Variants in FXYD6 observed in about 807,000 individuals in gnomAD.
FXYD6 encodes FXYD domain-containing ion transport regulator 6.
A neutral mutation model predicts 16.7 loss-of-function variants in FXYD6; 7 were observed. The ratio of observed to expected loss-of-function variants is 0.42; its 90% CI spans 0.24 to 0.79. FXYD6 has a LOEUF of 0.79. Among genes scored for constraint, FXYD6 ranks in the 30% least tolerant of loss-of-function variants. The pLI is 0.28. For synonymous variants in FXYD6, 49 were observed against 43.0 expected, an observed-to-expected ratio of 1.14 and a Z score of -0.54; for missense variants, 111 against 116.2, an observed-to-expected ratio of 0.95 and a Z score of 0.21.
intron 1 of FXYD6, among the ~76,000 whole-genome samples, chr11:117,858,659 CTTTCTTT>C (rs1565323327): frequency 1.3e-5 from 1 of 79,136 alleles, no homozygotes; most frequent in Non-Finnish European, 2.3e-5. Flanking sequence ...TTCTTTCTTT[CTTTCTTT>C]CTTTCTTTCT....
intron 1 of FXYD6, among the ~76,000 whole-genome samples, chr11:117,858,038 A>G (rs1012846476): frequency 2.6e-5 from 4 of 152,198 alleles, no homozygotes; most frequent in African/African-American, 9.7e-5. Context: ...TAATGCTTTC[A>G]GACAAAAGAT....
intron 1 of FXYD6, among the ~76,000 whole-genome samples, chr11:117,854,751 C>G (rs1418383500): frequency 6.6e-6 from 1 of 152,106 alleles, no homozygotes; most frequent in Admixed American, 6.5e-5. Flanking sequence ...ACCTTAAGAG[C>G]AGGGTAGGAT....
chr11:117,844,175 G>A (rs1242751624), intron 1 of FXYD6: 1 of 152,472 alleles, frequency 6.6e-6, no homozygotes, highest in Admixed American at 6.5e-5. Flanking sequence ...GGGTCAGAAC[G>A]ACTGCATCCA....
At position 117,870,560 on chromosome 11, in the gene FXYD6, T is replaced by C. The variant is rs1565332251; in HGVS notation, c.-6+6032A>G. ...CCTTTGCTCTCTCTGCCTACCTCTT[T>C]AGAAGGACAGCTCTGGCCTGCATGT... is the stretch of plus-strand genomic sequence containing the variant. On this transcript the variant is annotated intron_variant, in intron 1 of 7. Transcript: ENST00000526014. This position sits in a 1 kb window ranked among gnomAD's most constrained non-coding sequence, Gnocchi z 4.2. Among the ~76,000 whole-genome samples, 1 of 152,220 alleles carries C rather than the reference T, an allele frequency of 6.6e-6. No individual in the cohort carries two copies. The highest frequency in any genetic ancestry group is 1.5e-5 in the Non-Finnish European group (1 of 68,030).
At chr11:117,858,631 T>TTTTCTTTCTTTCTTTC (rs758256700) in intron 1 of FXYD6, among the ~76,000 whole-genome samples, 3 of 106,718 alleles carry the variant, frequency 2.8e-5, no homozygotes, top group South Asian at 2.9e-4. Flanking sequence ...TCATTTTCTT[T>TTTTCTTTCTTTCTTTC]TTTCTTTCTT....
chr11:117,854,320 T>TGGCCCCCA (rs2056675415), intron 1 of FXYD6, among the ~76,000 whole-genome samples: 1 of 152,194 alleles, frequency 6.6e-6, no homozygotes, highest in Non-Finnish European at 1.5e-5. Flanking sequence ...AGTGCAGTGT[T>TGGCCCCCA]GGCAATAGGG....
intron 1 of FXYD6, among the ~76,000 whole-genome samples, chr11:117,862,124 G>A (rs1472053007): frequency 6.6e-6 from 1 of 152,238 alleles, no homozygotes; most frequent in African/African-American, 2.4e-5. Context: ...GGCAGGCAAA[G>A]GAAAGAGAAA....
rs185825913 is a variant in FXYD6 at position 117,843,214 on chromosome 11, C to T, written c.-5-433G>A. On this transcript the variant is annotated intron_variant, in intron 1 of 7. Transcript: ENST00000526014. The stretch of plus-strand genomic sequence containing the variant: ...CCTCCCAAAGGGCTGGGATTATAGG[C>T]GTGAGCCACCACCAGTTGACATTTC... Among the ~76,000 whole-genome samples, 313 of 152,316 alleles carry T rather than the reference C, an allele frequency of 2.1e-3. 1 individual carries two copies. The highest frequency in any genetic ancestry group is 6.0e-3 in the African/African-American group (249 of 41,560).
chr11:117,841,429 T>C, intron 4 of FXYD6: 1 of 596,014 alleles, frequency 1.7e-6, no homozygotes, highest in Non-Finnish European at 3.0e-6. Flanking sequence ...GAGGGATCTG[T>C]GCAGATCAGG....
intron 1 of FXYD6, among the ~76,000 whole-genome samples, chr11:117,865,505 T>C (rs949192377): frequency 6.6e-6 from 1 of 152,216 alleles, no homozygotes. Context: ...AAATGTGGTA[T>C]ATACACATAA....
intron 6 of FXYD6, 150 bp downstream of exon 6, chr11:117,840,169 C>A (rs2056305281): frequency 3.2e-6 from 3 of 940,188 alleles, no homozygotes; most frequent in Middle Eastern, 2.4e-4. Context: ...AGTGAGGGGG[C>A]AATGCTGCAG....
At chr11:117,867,308 G>A (rs912874950) in intron 1 of FXYD6, among the ~76,000 whole-genome samples, 2 of 152,130 alleles carry the variant, frequency 1.3e-5, no homozygotes, top group Non-Finnish European at 1.5e-5. Flanking sequence ...CGGAGGTTAC[G>A]GCCTCACCAA....
chr11:117,839,713 A>AC (rs2056291862), intron 7 of FXYD6, 68 bp downstream of exon 7: 3 of 1,595,148 alleles, frequency 1.9e-6, no homozygotes, highest in East Asian at 4.5e-5. Context: ...TCCCGCCTGA[A>AC]CCCCTGTCCA....
At chr11:117,855,239 C>T (rs944507221) in intron 1 of FXYD6, among the ~76,000 whole-genome samples, 1 of 152,250 alleles carries the variant, frequency 6.6e-6, no homozygotes, top group African/African-American at 2.4e-5. Flanking sequence ...AAAAGAAATA[C>T]TGTCACAAAT....
intron 1 of FXYD6, among the ~76,000 whole-genome samples, chr11:117,849,930 A>G (rs61903804): frequency 0.14 from 21,611 of 152,134 alleles, 1,630 homozygotes; most frequent in Middle Eastern, 0.23. Flanking sequence ...TCAACTGGGC[A>G]TGTGCAAGTG....
At chr11:117,839,754 G>T (rs1265323074) in intron 7 of FXYD6, 27 bp downstream of exon 7, 2 of 1,614,020 alleles carry the variant, frequency 1.2e-6, no homozygotes, top group Admixed American at 1.7e-5. Context: ...TGGCAACAGG[G>T]GCCAATCCAG....
intron 1 of FXYD6, chr11:117,869,117 A>G (rs2057075050): frequency 6.6e-6 from 1 of 152,244 alleles, no homozygotes; most frequent in African/African-American, 2.4e-5. Flanking sequence ...AATTATTGTT[A>G]AATCACCTAA....
chr11:117,842,160 C>T (rs1189649566), intron 2 of FXYD6, 132 bp from the exon 3 acceptor site: 2 of 1,408,976 alleles, frequency 1.4e-6, no homozygotes, highest in Non-Finnish European at 9.8e-7. Context: ...ACAGAGATGC[C>T]TAGAGGTGCA....
chr11:117,842,014 TCTC>T lies in FXYD6; in HGVS notation c.70_72del (p.Glu24del), dbSNP rs1329057890. On this transcript the variant is annotated inframe_deletion, in exon 3 of 8. Transcript: ENST00000526014. Reference sequence around the variant, plus strand: ...CCATAATGAAAAGGGTCCATTTCCTTCTCCTTTTCAGCTGCTGCAAAAACAAAC... The same window carrying T: ...CCATAATGAAAAGGGTCCATTTCCTTCTTTTCAGCTGCTGCAAAAACAAAC... The T allele has an allele frequency of 6.2e-7, 1 of 1,614,108 alleles. No homozygotes were observed. The highest frequency in any genetic ancestry group is 1.3e-5 in the African/African-American group (1 of 75,006).
Sources: allele counts gnomAD v4.1 joint callset (sites outside exome capture counted in the v4.1 genomes callset), GRCh38; gene constraint gnomAD v4.1.1; non-coding constraint Gnocchi (gnomAD v3.1); transcripts MANE v1.5; gene names NCBI Gene and HGNC (gene_info 2026-07-23, HGNC 2026-07-21).